Variants in ASRGL1 observed in about 807,000 individuals in gnomAD.
ASRGL1 encodes the protein asparaginase and isoaspartyl peptidase 1.
A neutral mutation model predicts 22.4 loss-of-function variants in ASRGL1; 16 were observed. The observed-to-expected ratio is 0.71, with a 90% CI of 0.48 to 1.08. ASRGL1 has a LOEUF of 1.08. ASRGL1 is among the 50% of genes least tolerant of loss of function. The pLI is 0.00. For synonymous variants in ASRGL1, 165 were observed against 159.3 expected, an observed-to-expected ratio of 1.04 and a Z score of -0.27; for missense variants, 412 against 410.1, an observed-to-expected ratio of 1.00 and a Z score of -0.04.
chr11:62,373,239 G>GA (rs1946823048), intron 4 of ASRGL1: 5 of 802,662 alleles, frequency 6.2e-6, no homozygotes, highest in South Asian at 5.8e-5. Flanking sequence ...TGTGCACTGG[G>GA]ACGGGAAGTC....
intron 4 of ASRGL1, among the ~76,000 whole-genome samples, chr11:62,366,281 C>A (rs1021011778): frequency 4.2e-4 from 62 of 149,166 alleles, no homozygotes; most frequent in African/African-American, 1.4e-3. Flanking sequence ...AAAAAGTTCA[C>A]CTTATATACA....
intron 4 of ASRGL1, chr11:62,372,893 C>G: frequency 6.3e-7 from 1 of 1,588,676 alleles, no homozygotes; most frequent in Non-Finnish European, 8.6e-7. Context: ...ACCTCTGCAG[C>G]TGGAGAATCT....
At chr11:62,362,630 A>G (rs868617750) in intron 4 of ASRGL1, among the ~76,000 whole-genome samples, 2 of 48,502 alleles carry the variant, frequency 4.1e-5, no homozygotes, top group Non-Finnish European at 7.2e-5. Context: ...TATTATATAA[A>G]ATATATATAA....
chr11:62,389,272 C>T, intron 5 of ASRGL1, 21 bp downstream of exon 5: 1 of 1,588,666 alleles, frequency 6.3e-7, no homozygotes, highest in Non-Finnish European at 8.6e-7. Context: ...GGGATGCCTC[C>T]TGCCCCTTCC....
chr11:62,384,366 G>T (rs1947152388), intron 4 of ASRGL1, among the ~76,000 whole-genome samples: 1 of 152,110 alleles, frequency 6.6e-6, no homozygotes, highest in African/African-American at 2.4e-5. Context: ...TTAGCTGGGT[G>T]TGGTGGTACA....
Position 62,356,328 on chromosome 11 carries a change from G to A in ASRGL1, c.194G>A (p.Cys65Tyr), listed in dbSNP as rs551053676. The A allele has an allele frequency of 8.7e-6, 14 of 1,613,908 alleles. No individual in the cohort carries two copies. The African/African-American group carries it at 1.2e-4, about 14-fold the overall frequency. Residue 65 changes from cysteine (C) to tyrosine (Y), a missense_variant, in exon 3 of 7, where the codon TGT (cysteine) becomes TAT (tyrosine). Cys to Tyr is a radical substitution (Grantham distance 194, BLOSUM62 -2). Coordinates refer to ENST00000415229, the MANE Select transcript of ASRGL1 (RefSeq NM_001083926.2). ...LEDDPEFNAG[C>Y]GSVLNTNGEV... ...TTCAACTTCTTTTTGGTTTTAGGTT[G>A]TGGGTCTGTCTTGAACACAAATGGT...
chr11:62,341,634 T>C (rs1945865515), intron 2 of ASRGL1, among the ~76,000 whole-genome samples: 1 of 152,246 alleles, frequency 6.6e-6, no homozygotes, highest in African/African-American at 2.4e-5. Context: ...GATTCTGAGA[T>C]ACAACCAGGT....
Position 62,382,470 on chromosome 11 carries a change from CG to C in ASRGL1, c.492-6662del, listed in dbSNP as rs1397481955. 2.0e-5 allele frequency: 3 copies of C among 151,942 alleles called. No homozygotes were observed. The East Asian group carries it at 5.8e-4, about 29-fold the overall frequency. 9.4% of individuals were successfully genotyped at this position (151,942 alleles called of 1,614,324 possible). ...TACAAACATTAAAGAGCAGTATTGT[CG>C]CTAGCACCTCTCACCTCCAGCCCTA... On this transcript the variant is annotated intron_variant, in intron 4 of 6. Coordinates refer to ENST00000415229, the MANE Select transcript of ASRGL1 (RefSeq NM_001083926.2).
At chr11:62,369,029 C>A (rs1404684652) in intron 4 of ASRGL1, among the ~76,000 whole-genome samples, 2 of 152,124 alleles carry the variant, frequency 1.3e-5, no homozygotes, top group African/African-American at 4.8e-5. Context: ...TCAGCACAGA[C>A]CCTTTACGGG....
intron 4 of ASRGL1, among the ~76,000 whole-genome samples, chr11:62,377,408 G>C (rs963314993): frequency 6.6e-6 from 1 of 152,106 alleles, no homozygotes; most frequent in Non-Finnish European, 1.5e-5. Flanking sequence ...ATATTAATAG[G>C]TTGATTAAAA....
rs112624583 is a variant in ASRGL1, at chr11:62,356,227, T to C, written c.191-98T>C. On this transcript the variant is annotated intron_variant, in intron 2 of 6. Transcript: ENST00000415229. ...GCAGAGGCGCCCCTCACCTCCCGGA[T>C]GGGGCGGCTGGCCGGGCGGGGGGCT... 1.3e-3 allele frequency: 1,940 copies of C among 1,440,718 alleles called. 6 individuals carry two copies. In the African/African-American group the frequency reaches 0.015, roughly 11 times the overall value. 89.2% of individuals were successfully genotyped at this position (1,440,718 alleles called of 1,614,324 possible). A position where few individuals can be genotyped will look rare whatever the true frequency, so the allele number is the denominator to read the frequency against.
chr11:62,373,911 G>T (rs958706960), intron 4 of ASRGL1, among the ~76,000 whole-genome samples: 2 of 152,346 alleles, frequency 1.3e-5, no homozygotes, highest in African/African-American at 4.8e-5. Context: ...GTGGAGCAAA[G>T]GTGGGAACAT....
chr11:62,360,516 AAAAG>A (rs1388761708), intron 4 of ASRGL1, among the ~76,000 whole-genome samples: 1 of 152,282 alleles, frequency 6.6e-6, no homozygotes, highest in East Asian at 1.9e-4. Flanking sequence ...GAAAAAATGA[AAAAG>A]AAAGTAAAAA....
At chr11:62,341,117 A>C (rs908849791) in intron 2 of ASRGL1, among the ~76,000 whole-genome samples, 3 of 152,170 alleles carry the variant, frequency 2.0e-5, no homozygotes, top group Non-Finnish European at 4.4e-5. Flanking sequence ...ACTGGAGCTC[A>C]GCGATATTTA....
intron 4 of ASRGL1, among the ~76,000 whole-genome samples, chr11:62,362,670 A>ATATAAAATATATAT (rs1565162440): frequency 3.0e-5 from 1 of 33,414 alleles, no homozygotes; most frequent in African/African-American, 1.1e-4. Flanking sequence ...AAAATATATA[A>ATATAAAATATATAT]TATATATTAT....
chr11:62,338,115 T>C lies in ASRGL1; in HGVS notation c.138T>C (p.Asp46=). The C allele has an allele frequency of 6.2e-7, 1 of 1,606,816 alleles. No homozygotes were observed. Among genetic ancestry groups the C allele is most frequent in the Non-Finnish European group, 8.5e-7 (1 of 1,177,088 alleles). The change falls in exon 2 of 7, where the codon GAT becomes GAC. Residue 46 remains aspartate, a synonymous_variant. Coordinates refer to ENST00000415229, the MANE Select transcript of ASRGL1 (RefSeq NM_001083926.2). ...GILREGGSAV[D]AVEGAVVALE... ...TCCGGGAGGGCGGGAGCGCCGTGGA[T>C]GCCGTAGAGGGAGCTGTCGTCGCCC...
intron 4 of ASRGL1, among the ~76,000 whole-genome samples, chr11:62,363,383 C>T (rs1279421183): frequency 6.6e-6 from 1 of 151,734 alleles, no homozygotes; most frequent in African/African-American, 2.4e-5. Context: ...AGAGATAATC[C>T]CTAAACCAGT....
chr11:62,387,784 G>C (rs1191944050), intron 4 of ASRGL1, among the ~76,000 whole-genome samples: 3 of 152,156 alleles, frequency 2.0e-5, no homozygotes, highest in Admixed American at 6.6e-5. Flanking sequence ...CCAAATGCAG[G>C]CTCCATGGGA....
chr11:62,394,301 T>C (rs1392278071), downstream of ASRGL1, among the ~76,000 whole-genome samples: 1 of 139,256 alleles, frequency 7.2e-6, no homozygotes, highest in Non-Finnish European at 1.5e-5. Flanking sequence ...ATATTATATA[T>C]TATATAAAAA....
Sources: gnomAD v4.1 joint callset for allele counts (sites outside exome capture counted in the v4.1 genomes callset) on GRCh38, gnomAD v4.1.1 for gene constraint, MANE v1.5 for transcripts, NCBI Gene and HGNC (gene_info 2026-07-23, HGNC 2026-07-21) for gene names.